Variants in REPS2 observed in about 807,000 individuals in gnomAD.
REPS2 encodes the protein ralBP1-associated Eps domain-containing protein 2.
REPS2 carries 23 observed loss-of-function variants against 53.6 expected under a neutral mutation model. That is an observed-to-expected ratio of 0.43 (90% CI 0.31 to 0.61). The LOEUF (loss-of-function observed/expected upper bound fraction) is 0.61. Ranked by LOEUF, REPS2 falls within the 20% of genes least tolerant of loss-of-function variation. The pLI, the probability that REPS2 is intolerant of heterozygous loss-of-function variation, is 0.11. For missense variants in REPS2, 446 were observed against 534.9 expected (o/e 0.83, Z 1.64); for synonymous variants, 238 against 218.6 (o/e 1.09, Z -0.78).
rs1204120312 is a variant in REPS2 at position 17,101,907 on chromosome X, T to C, written c.1517-1811T>C. On this transcript the variant is annotated intron_variant, in intron 13 of 17. Coordinates refer to ENST00000357277, the MANE Select transcript of REPS2 (RefSeq NM_004726.3). Reference sequence around the variant, plus strand: ...TGGCTGGAAGCACAAGTCAATTTAATTAAATGGCTCATCATTTCTTGTATA... The same window carrying C: ...TGGCTGGAAGCACAAGTCAATTTAACTAAATGGCTCATCATTTCTTGTATA... Among the ~76,000 whole-genome samples, 6 of 112,397 alleles carry C rather than the reference T, an allele frequency of 5.3e-5. No individual in the cohort carries two copies. In the East Asian group the frequency reaches 1.7e-3, roughly 31 times the overall value.
At chrX:17,005,171 A>T (rs1188803418) in intron 1 of REPS2, among the ~76,000 whole-genome samples, 4 of 111,317 alleles carry the variant, frequency 3.6e-5, no homozygotes, top group African/African-American at 1.3e-4. Flanking sequence ...TTTATTTTTG[A>T]GGTAGGTTTC....
intron 5 of REPS2, among the ~76,000 whole-genome samples, chrX:17,046,372 T>C (rs1439122137): frequency 2.7e-5 from 3 of 110,430 alleles, no homozygotes; most frequent in African/African-American, 6.6e-5. Flanking sequence ...GAGATGGGGT[T>C]TCATCATGTC....
chrX:17,142,777 C>T (rs753948860), intron 17 of REPS2, among the ~76,000 whole-genome samples: 7 of 112,032 alleles, frequency 6.2e-5, no homozygotes, highest in Non-Finnish European at 1.1e-4. Flanking sequence ...TCTGAAAAAT[C>T]GTTCAGCAGT....
intron 6 of REPS2, among the ~76,000 whole-genome samples, chrX:17,050,133 C>CCTTCCTTCCTTTCTTT (rs1569148127): frequency 1.9e-4 from 7 of 36,688 alleles, no homozygotes; most frequent in African/African-American, 4.7e-4. Flanking sequence ...TTTCTTTCTT[C>CCTTCCTTCCTTTCTTT]CTTTCTTCCT....
At chrX:16,964,096 A>T in intron 1 of REPS2, among the ~76,000 whole-genome samples, 1 of 105,018 alleles carries the variant, frequency 9.5e-6, no homozygotes, top group East Asian at 3.0e-4. Context: ...TGGCAGGGTC[A>T]CAGGACAGTA....
chrX:17,017,155 A>G (rs777090197), intron 2 of REPS2, among the ~76,000 whole-genome samples: 1 of 111,255 alleles, frequency 9.0e-6, no homozygotes, highest in Admixed American at 9.6e-5. Context: ...TATTTTTTGT[A>G]GAGATGGGGT....
chrX:17,091,662 G>A (rs1486202932), intron 13 of REPS2, among the ~76,000 whole-genome samples: 2 of 111,559 alleles, frequency 1.8e-5, no homozygotes, highest in Non-Finnish European at 3.8e-5. Context: ...GGTGGTGTGT[G>A]GTCATCAGGG....
chrX:17,105,286 A>G (rs1020862931), intron 14 of REPS2, among the ~76,000 whole-genome samples: 4 of 111,394 alleles, frequency 3.6e-5, no homozygotes, highest in African/African-American at 1.3e-4. Flanking sequence ...CTCCACACCA[A>G]CAGCAAACCT....
intron 17 of REPS2, among the ~76,000 whole-genome samples, chrX:17,145,412 A>T (rs1335796256): frequency 1.8e-5 from 2 of 111,662 alleles, no homozygotes; most frequent in African/African-American, 6.5e-5. Flanking sequence ...TTTTCTCCTT[A>T]GATATCCAAT....
the REPS2 span, among the ~76,000 whole-genome samples, chrX:17,163,755 C>T: frequency 1.8e-5 from 2 of 111,701 alleles, no homozygotes; most frequent in African/African-American, 6.5e-5. Flanking sequence ...AAGTTTCATT[C>T]TCAAATAAAC....
intron 4 of REPS2, among the ~76,000 whole-genome samples, chrX:17,027,659 G>GTTTTTTTTTTTTTTTT: frequency 1.5e-5 from 1 of 67,269 alleles, no homozygotes; most frequent in Non-Finnish European, 2.6e-5. Context: ...AAATCTTTAG[G>GTTTTTTTTTTTTTTTT]TTTTTTTTTT....
intron 1 of REPS2, among the ~76,000 whole-genome samples, chrX:17,003,792 A>G (rs1264079350): frequency 8.9e-6 from 1 of 112,136 alleles, no homozygotes; most frequent in African/African-American, 3.2e-5. Flanking sequence ...GCCAGGAAAG[A>G]AAGTATTATT....
chrX:16,968,330 A>G (rs2060804713), intron 1 of REPS2, among the ~76,000 whole-genome samples: 1 of 112,109 alleles, frequency 8.9e-6, no homozygotes, highest in African/African-American at 3.2e-5. Context: ...CATTGTCATC[A>G]TGGCCCGTTC....
intron 8 of REPS2, among the ~76,000 whole-genome samples, chrX:17,057,831 C>T (rs2062094354): frequency 8.9e-6 from 1 of 112,799 alleles, no homozygotes; most frequent in South Asian, 3.6e-4. Flanking sequence ...CAAGGCAGTG[C>T]GGGGTCATAG....
intron 1 of REPS2, among the ~76,000 whole-genome samples, chrX:16,981,745 T>C (rs186834794): frequency 8.9e-6 from 1 of 112,447 alleles, no homozygotes; most frequent in East Asian, 2.8e-4. Flanking sequence ...AAAAAAAGGA[T>C]GACAACAAAA....
At chrX:16,987,258 G>A (rs1311792627) in intron 1 of REPS2, among the ~76,000 whole-genome samples, 2 of 110,350 alleles carry the variant, frequency 1.8e-5, no homozygotes, top group Non-Finnish European at 3.8e-5. Flanking sequence ...TTTAAGGAGG[G>A]ATTTATTAGA....
At chrX:17,159,623 G>A in the REPS2 span, among the ~76,000 whole-genome samples, 4 of 111,520 alleles carry the variant, frequency 3.6e-5, no homozygotes, top group Non-Finnish European at 7.5e-5. Context: ...TCATCTATAC[G>A]TTACTGATAA....
At chrX:17,163,699 T>C in the REPS2 span, among the ~76,000 whole-genome samples, 1 of 112,274 alleles carries the variant, frequency 8.9e-6, no homozygotes, top group Non-Finnish European at 1.9e-5. Flanking sequence ...AAAGAACAAG[T>C]ATCAACCAAG....
At chrX:16,954,552 A>G (rs1269513390) in intron 1 of REPS2, among the ~76,000 whole-genome samples, 2 of 111,561 alleles carry the variant, frequency 1.8e-5, no homozygotes, top group East Asian at 2.8e-4. Context: ...CTATGGTCAA[A>G]TGGCAAGACT....
Sources: allele counts gnomAD v4.1 joint callset (sites outside exome capture counted in the v4.1 genomes callset), GRCh38; gene constraint gnomAD v4.1.1; transcripts MANE v1.5; gene names NCBI Gene and HGNC (gene_info 2026-07-23, HGNC 2026-07-21).